The following CLOCK variants were observed in gnomAD, a reference collection of about 807,000 sequenced individuals.
CLOCK encodes clock circadian regulator.
A neutral mutation model predicts 118.4 loss-of-function variants in CLOCK; 43 were observed. The observed-to-expected ratio is 0.36, with a 90% CI of 0.28 to 0.47. The LOEUF (loss-of-function observed/expected upper bound fraction) is 0.47. CLOCK is among the 20% of genes least tolerant of loss of function. The probability of loss-of-function intolerance (pLI) is 1.00; values close to 1 mark genes in which losing one functional copy is unlikely to be tolerated. For synonymous variants in CLOCK, 326 were observed against 339.2 expected, an observed-to-expected ratio of 0.96 and a Z score of 0.43; for missense variants, 846 against 999.9, an observed-to-expected ratio of 0.85 and a Z score of 2.08.
chr4:55,438,563 T>C (rs746140035), intron 21 of CLOCK, 26 bp from the exon 22 acceptor site: 32 of 1,612,268 alleles, frequency 2.0e-5, no homozygotes, highest in Non-Finnish European at 2.5e-5. Flanking sequence ...AGGAAAAAAA[T>C]TGGAGTCCAA....
At chr4:55,460,818 T>C (rs561782720) in intron 9 of CLOCK, among the ~76,000 whole-genome samples, 1 of 152,210 alleles carries the variant, frequency 6.6e-6, no homozygotes, top group Non-Finnish European at 1.5e-5. Context: ...AGTAAAAATC[T>C]ATCTATCTTC....
chr4:55,466,966 TA>T (rs1447412016), intron 8 of CLOCK, among the ~76,000 whole-genome samples: 7 of 152,364 alleles, frequency 4.6e-5, no homozygotes, highest in Non-Finnish European at 1.0e-4. Flanking sequence ...CGTTACCATT[TA>T]GTGATTGGAT....
chr4:55,484,677 C>T (rs940798127), intron 3 of CLOCK, among the ~76,000 whole-genome samples: 6 of 151,990 alleles, frequency 3.9e-5, no homozygotes, highest in African/African-American at 1.5e-4. Context: ...GTTCAAAAGG[C>T]CAGATCTGAG....
intron 9 of CLOCK, among the ~76,000 whole-genome samples, chr4:55,462,221 T>C (rs576810804): frequency 6.6e-6 from 1 of 152,346 alleles, no homozygotes; most frequent in African/African-American, 2.4e-5. Flanking sequence ...GATTTTATTC[T>C]TAGTAGGGTC....
intron 7 of CLOCK, among the ~76,000 whole-genome samples, chr4:55,473,426 TTATAA>T (rs201991941): frequency 0.028 from 4,266 of 152,318 alleles, 85 homozygotes; most frequent in Non-Finnish European, 0.038. Context: ...GTTTAAATGT[TTATAA>T]TATATTTATA....
chr4:55,545,052 CTT>C (rs34291520), intron 1 of CLOCK, among the ~76,000 whole-genome samples: 20 of 144,648 alleles, frequency 1.4e-4, no homozygotes, highest in Non-Finnish European at 1.4e-4. Context: ...TTCAGGCTAA[CTT>C]TTTTTTTTTT....
At chr4:55,445,804 C>G (rs909864005) in intron 18 of CLOCK, among the ~76,000 whole-genome samples, 20 of 151,538 alleles carry the variant, frequency 1.3e-4, no homozygotes, top group Non-Finnish European at 2.8e-4. Context: ...CTATGTTGCC[C>G]ATGCTGGTCT....
intron 9 of CLOCK, 30 bp from the exon 10 acceptor site, chr4:55,459,291 T>C: frequency 7.8e-7 from 1 of 1,278,804 alleles, no homozygotes. Context: ...AAAAATCACA[T>C]ATTTCTGATA....
At chr4:55,531,444 T>C (rs1236443879) in intron 1 of CLOCK, among the ~76,000 whole-genome samples, 3 of 152,004 alleles carry the variant, frequency 2.0e-5, no homozygotes, top group Non-Finnish European at 4.4e-5. Context: ...TGGTGGCTCA[T>C]ATCTGTAATC....
intron 21 of CLOCK, among the ~76,000 whole-genome samples, chr4:55,440,359 A>G (rs1479106173): frequency 6.6e-6 from 1 of 152,186 alleles, no homozygotes; most frequent in Non-Finnish European, 1.5e-5. Flanking sequence ...ATGAAAGAAC[A>G]ATAACCCCAA....
intron 1 of CLOCK, among the ~76,000 whole-genome samples, chr4:55,544,012 C>T (rs546063782): frequency 6.6e-6 from 1 of 152,300 alleles, no homozygotes; most frequent in African/African-American, 2.4e-5. Context: ...TTTCATTACA[C>T]AATATTAGTC....
At chr4:55,462,298 T>G (rs986748210) in intron 9 of CLOCK, among the ~76,000 whole-genome samples, 1 of 152,174 alleles carries the variant, frequency 6.6e-6, no homozygotes, top group African/African-American at 2.4e-5. Flanking sequence ...CTTTCTTTCT[T>G]TTTTTTGAGA....
chr4:55,442,723 C>A, intron 20 of CLOCK, 89 bp from the exon 21 acceptor site: 1 of 1,136,754 alleles, frequency 8.8e-7, no homozygotes, highest in Non-Finnish European at 1.3e-6. Context: ...AACAATATGA[C>A]AATATGACAG....
At chr4:55,476,219 T>A (rs1030001736) in intron 6 of CLOCK, among the ~76,000 whole-genome samples, 165 bp from the exon 7 acceptor site, 16 of 152,198 alleles carry the variant, frequency 1.1e-4, no homozygotes, top group African/African-American at 3.9e-4. Flanking sequence ...TGATGAAATA[T>A]TTGAGATAAC....
At chr4:55,453,183 C>G (rs11240) in intron 14 of CLOCK, 54 bp from the exon 15 acceptor site, 367,351 of 1,355,770 alleles carry the variant, frequency 0.27, 51,640 homozygotes, top group South Asian at 0.36. Context: ...GTTTAAAATA[C>G]TGCACAGCTG....
intron 3 of CLOCK, among the ~76,000 whole-genome samples, chr4:55,483,563 G>A (rs2109916203): frequency 6.6e-6 from 1 of 152,224 alleles, no homozygotes; most frequent in South Asian, 2.1e-4. Context: ...GACCACTTAA[G>A]TTTGAGAAGC....
chr4:55,525,270 C>T lies in CLOCK; in HGVS notation c.-289-15205G>A, dbSNP rs372057238. ...GGAGGATCACTTGAGGTTGGGAGTT[C>T]GAGACCAGCTTAGGCCACATACCCT... On this transcript the variant is annotated intron_variant, in intron 1 of 22. Transcript: ENST00000513440. Among the ~76,000 whole-genome samples the T allele has an allele frequency of 1.4e-4, 21 of 152,184 alleles. 1 individual carries two copies. Among genetic ancestry groups the T allele is most frequent in the African/African-American group, 4.3e-4 (18 of 41,534 alleles).
At chr4:55,461,489 G>A (rs1447960999) in intron 9 of CLOCK, among the ~76,000 whole-genome samples, 2 of 152,166 alleles carry the variant, frequency 1.3e-5, no homozygotes, top group Admixed American at 1.3e-4. Flanking sequence ...ACTGTACCAG[G>A]CAGGATGGCC....
chr4:55,446,482 C>T (rs1667077494), intron 18 of CLOCK, among the ~76,000 whole-genome samples: 1 of 152,122 alleles, frequency 6.6e-6, no homozygotes, highest in South Asian at 2.1e-4. Context: ...TAGAATTACC[C>T]AAAGTTGCAA....
Sources: gnomAD v4.1 joint callset for allele counts (sites outside exome capture counted in the v4.1 genomes callset) on GRCh38, gnomAD v4.1.1 for gene constraint, MANE v1.5 for transcripts, NCBI Gene and HGNC (gene_info 2026-07-23, HGNC 2026-07-21) for gene names.